PLCG2: variants seen among roughly 807,000 people sequenced by gnomAD.
PLCG2 encodes 1-phosphatidylinositol 4,5-bisphosphate phosphodiesterase gamma-2.
In PLCG2, 69 loss-of-function variants were observed where a neutral mutation model predicts 175.6. The ratio of observed to expected loss-of-function variants is 0.39; its 90% CI spans 0.32 to 0.48. The LOEUF (loss-of-function observed/expected upper bound fraction) is 0.48. Ranked by LOEUF, PLCG2 falls within the 20% of genes least tolerant of loss-of-function variation. The pLI, the probability that PLCG2 is intolerant of heterozygous loss-of-function variation, is 0.91. For synonymous variants in PLCG2, 827 were observed against 624.0 expected, an observed-to-expected ratio of 1.33 and a Z score of -4.85; for missense variants, 1,798 against 1,650.9, an observed-to-expected ratio of 1.09 and a Z score of -1.54.
chr16:81,883,380 C>A (rs201686722), intron 9 of PLCG2, 39 bp downstream of exon 9: 5 of 1,539,650 alleles, frequency 3.2e-6, no homozygotes, highest in Admixed American at 3.3e-5. Flanking sequence ...AGGGAGCTGG[C>A]GGGATGCTGC....
chr16:81,929,900 C>T (rs1211956675), intron 24 of PLCG2, among the ~76,000 whole-genome samples: 1 of 152,222 alleles, frequency 6.6e-6, no homozygotes, highest in Non-Finnish European at 1.5e-5. Context: ...TCCCCCATCC[C>T]TGTATCTGCA....
At chr16:81,761,744 A>T (rs1380108731) in intron 2 of PLCG2, among the ~76,000 whole-genome samples, 4 of 152,006 alleles carry the variant, frequency 2.6e-5, no homozygotes, top group Non-Finnish European at 4.4e-5. Context: ...ATCTTTTATT[A>T]TAAAAATTTT....
chr16:81,841,386 G>A (rs981078719), intron 2 of PLCG2, among the ~76,000 whole-genome samples: 3 of 151,782 alleles, frequency 2.0e-5, no homozygotes, highest in Admixed American at 6.6e-5. Flanking sequence ...GCACCCAGGC[G>A]CTTACTACCA....
chr16:81,919,718 C>G, intron 20 of PLCG2, 54 bp downstream of exon 20: 6 of 1,471,102 alleles, frequency 4.1e-6, no homozygotes, highest in Non-Finnish European at 4.7e-6. Flanking sequence ...GAGGTTGTAA[C>G]TCATCTGTTC....
intron 21 of PLCG2, among the ~76,000 whole-genome samples, chr16:81,922,524 C>G (rs981655640): frequency 6.6e-6 from 1 of 152,250 alleles, no homozygotes; most frequent in Non-Finnish European, 1.5e-5. Flanking sequence ...GTAGTCTTAA[C>G]AACCCTGTGA....
rs532605909 is a variant in PLCG2 at position 81,763,882 on chromosome 16, G to A, written c.-48+7916G>A. Among the ~76,000 whole-genome samples the A allele has an allele frequency of 7.2e-5, 11 of 152,172 alleles. No homozygotes were observed. In the South Asian group the frequency reaches 1.9e-3, roughly 26 times the overall value. On this transcript the variant is annotated intron_variant, in intron 2 of 5. Coordinates refer to the PLCG2 transcript ENST00000565054. The stretch of plus-strand genomic sequence containing the variant: ...CTCGGGAGGCTGAGGCATGAGAGTC[G>A]CTTGAACCCAGGAGTCGGAGGTTTC...
intron 24 of PLCG2, among the ~76,000 whole-genome samples, chr16:81,929,437 C>G (rs1011527560): frequency 4.3e-4 from 65 of 152,284 alleles, no homozygotes; most frequent in African/African-American, 1.5e-3. Context: ...GCTGTGTCAC[C>G]CAGGCTGGAG....
At chr16:81,871,550 C>G (rs1209007426) in intron 7 of PLCG2, among the ~76,000 whole-genome samples, 1 of 152,092 alleles carries the variant, frequency 6.6e-6, no homozygotes, top group East Asian at 1.9e-4. Context: ...ATTGGGTGGG[C>G]AGGTCTCGAA....
intron 2 of PLCG2, among the ~76,000 whole-genome samples, chr16:81,786,973 G>A (rs899952309): frequency 6.6e-6 from 1 of 152,154 alleles, no homozygotes; most frequent in African/African-American, 2.4e-5. Context: ...TGCATAATGT[G>A]TGGGTTTAAA....
intron 2 of PLCG2, among the ~76,000 whole-genome samples, chr16:81,794,768 C>T (rs1014749552): frequency 6.6e-6 from 1 of 152,290 alleles, no homozygotes; most frequent in South Asian, 2.1e-4. Context: ...TATCATCATC[C>T]AGCATAAAGG....
intron 2 of PLCG2, among the ~76,000 whole-genome samples, chr16:81,773,714 A>G (rs1910331582): frequency 6.6e-6 from 1 of 152,118 alleles, no homozygotes; most frequent in South Asian, 2.1e-4. Context: ...ACCAGGATCC[A>G]TGCCCAGGAC....
rs75953259 is a variant in PLCG2, at chr16:81,864,359, C to G, written c.480-4855C>G. 5.2e-3 allele frequency among the ~76,000 whole-genome samples: 796 copies of G among 152,318 alleles called. 11 individuals carry two copies. Among genetic ancestry groups the G allele is most frequent in the African/African-American group, 0.018 (757 of 41,570 alleles). Reference sequence around the variant, plus strand: ...AAACAAAACAAAATGAAATAAAATACTTAGCTCCTCAGTGGAACTAGCTGC... The same window carrying G: ...AAACAAAACAAAATGAAATAAAATAGTTAGCTCCTCAGTGGAACTAGCTGC... On this transcript the variant is annotated intron_variant, in intron 5 of 32. Coordinates refer to ENST00000564138, the MANE Select transcript of PLCG2 (RefSeq NM_002661.5).
chr16:81,837,314 T>C (rs906016460), intron 2 of PLCG2, among the ~76,000 whole-genome samples: 34 of 152,220 alleles, frequency 2.2e-4, no homozygotes, highest in African/African-American at 7.7e-4. Flanking sequence ...TTCCTAGGAA[T>C]TGTGGTCCCA....
chr16:81,958,092 A>C lies in PLCG2; in HGVS notation c.*94A>C. 1.2e-6 allele frequency: 1 copy of C among 845,616 alleles called. No individual in the cohort carries two copies. Among genetic ancestry groups the C allele is most frequent in the South Asian group, 1.4e-5 (1 of 71,020 alleles). The allele number at this position is 845,616 out of a possible 1,614,324, so 52.4% of individuals were successfully genotyped here. ...CTATTCACACTCTGGGAAGACGCTA[A>C]TCTGTGACATCTTTTCTTCAAGCCT... On this transcript the variant is annotated 3_prime_UTR_variant, in exon 33 of 33. Coordinates refer to ENST00000564138, the MANE Select transcript of PLCG2 (RefSeq NM_002661.5).
At chr16:81,817,423 G>T (rs1477485686) in intron 2 of PLCG2, among the ~76,000 whole-genome samples, 2 of 152,226 alleles carry the variant, frequency 1.3e-5, no homozygotes, top group African/African-American at 4.8e-5. Flanking sequence ...TTGAGAAGGA[G>T]TTTCGCTTTT....
intron 1 of PLCG2, among the ~76,000 whole-genome samples, chr16:81,744,349 G>A (rs1487968331): frequency 6.6e-6 from 1 of 150,698 alleles, no homozygotes; most frequent in African/African-American, 2.4e-5. Context: ...ATTTTTAGTA[G>A]AGACGGGGTT....
At chr16:81,952,725 T>G (rs1911415567) in intron 31 of PLCG2, among the ~76,000 whole-genome samples, 3 of 152,232 alleles carry the variant, frequency 2.0e-5, no homozygotes, top group Admixed American at 2.0e-4. Flanking sequence ...AAATGAATTC[T>G]GATTAATAAA....
At position 81,869,250 on chromosome 16, in the gene PLCG2, G is replaced by T; in HGVS notation, c.516G>T (p.Leu172=). The T allele has an allele frequency of 6.2e-7, 1 of 1,614,018 alleles. No individual in the cohort carries two copies. Among genetic ancestry groups the T allele is most frequent in the African/African-American group, 1.3e-5 (1 of 75,050 alleles). ...GAGAGTTGAAGACCATCTTGCCCCT[G>T]ATCAACTTTAAAGTGAGCAGTGCCA... The part of the protein sequence containing the change: ...SLRELKTILP[L]INFKVSSAKF... Residue 172 remains leucine, a synonymous_variant, in exon 6 of 33, where the codon CTG becomes CTT. Coordinates refer to ENST00000564138, the MANE Select transcript of PLCG2 (RefSeq NM_002661.5).
chr16:81,925,406 G>A (rs1381793267), intron 22 of PLCG2, among the ~76,000 whole-genome samples: 6 of 152,166 alleles, frequency 3.9e-5, no homozygotes, highest in South Asian at 2.1e-4. Flanking sequence ...TATGATCGCC[G>A]TAAATACAGC....
Sources: allele counts gnomAD v4.1 joint callset (sites outside exome capture counted in the v4.1 genomes callset), GRCh38; gene constraint gnomAD v4.1.1; transcripts MANE v1.5; gene names NCBI Gene and HGNC (gene_info 2026-07-23, HGNC 2026-07-21).